The following FKBP5 variants were observed in gnomAD, a reference collection of about 807,000 sequenced individuals.
The protein encoded by FKBP5 is peptidyl-prolyl cis-trans isomerase FKBP5.
FKBP5 carries 23 observed loss-of-function variants against 50.5 expected under a neutral mutation model. The observed-to-expected ratio is 0.46, with a 90% CI of 0.33 to 0.65. The LOEUF (loss-of-function observed/expected upper bound fraction) is 0.65, where lower values mean the gene tolerates loss of function less well. Ranked by LOEUF, FKBP5 falls within the 30% of genes least tolerant of loss-of-function variation. The pLI, the probability that FKBP5 is intolerant of heterozygous loss-of-function variation, is 0.02. For missense variants in FKBP5, 411 were observed against 553.1 expected (o/e 0.74, Z 2.58); for synonymous variants, 176 against 190.6 (o/e 0.92, Z 0.63).
intron 3 of FKBP5, among the ~76,000 whole-genome samples, chr6:35,628,033 A>T (rs1053482572): frequency 6.7e-6 from 1 of 149,624 alleles, no homozygotes; most frequent in Non-Finnish European, 1.5e-5. Context: ...TCGGCCTCCC[A>T]AAGTGCTGGC....
upstream of FKBP5, among the ~76,000 whole-genome samples, chr6:35,693,076 TAAAAAA>T: frequency 2.5e-5 from 2 of 80,780 alleles, 1 homozygote; most frequent in African/African-American, 1.0e-4. Flanking sequence ...TCTTTTCAGC[TAAAAAA>T]AAAAAAAAAA....
intron 1 of FKBP5, among the ~76,000 whole-genome samples, chr6:35,724,645 A>G (rs1211664557): frequency 6.6e-6 from 1 of 151,348 alleles, no homozygotes; most frequent in Non-Finnish European, 1.5e-5. Context: ...TGGGACGTTT[A>G]CTCAGGAGGC....
rs1055862426 is a variant in FKBP5 at position 35,707,383 on chromosome 6, A to AT, written c.-20+12944dup. Among the ~76,000 whole-genome samples, 372 of 143,388 alleles carry AT rather than the reference A, an allele frequency of 2.6e-3. 4 individuals carry two copies. The highest frequency in any genetic ancestry group is 4.6e-3 in the African/African-American group (179 of 39,276). 94.1% of individuals were successfully genotyped at this position (143,388 alleles called of 152,430 possible). ...AGGCATGCACCACCACGGCCGGCTA[A>AT]TTTTTTTTTTTTGTATTTTTAGTAG... On this transcript the variant is annotated intron_variant, in intron 2 of 11. Transcript: ENST00000536438.
At chr6:35,618,187 A>C (rs975080942) in intron 5 of FKBP5, among the ~76,000 whole-genome samples, 6 of 152,172 alleles carry the variant, frequency 3.9e-5, no homozygotes, top group Non-Finnish European at 8.8e-5. Flanking sequence ...GTGAGAAATA[A>C]ATGAACAAAC....
At chr6:35,627,829 T>C (rs1764044847) in intron 3 of FKBP5, among the ~76,000 whole-genome samples, 2 of 152,026 alleles carry the variant, frequency 1.3e-5, no homozygotes, top group Admixed American at 6.5e-5. Context: ...TGGTGTGATC[T>C]TGGCTCACTG....
At chr6:35,655,360 T>A (rs1764918995) in intron 1 of FKBP5, among the ~76,000 whole-genome samples, 1 of 152,110 alleles carries the variant, frequency 6.6e-6, no homozygotes, top group African/African-American at 2.4e-5. Context: ...GTGAAGACAG[T>A]AGGAATGAGC....
chr6:35,706,464 AAG>A (rs1766317977), intron 2 of FKBP5, among the ~76,000 whole-genome samples: 1 of 151,938 alleles, frequency 6.6e-6, no homozygotes, highest in South Asian at 2.1e-4. Context: ...AAAAAGAAAA[AAG>A]AAATACATAA....
At chr6:35,578,692 C>A (rs541807500) in intron 9 of FKBP5, among the ~76,000 whole-genome samples, 2 of 149,154 alleles carry the variant, frequency 1.3e-5, no homozygotes, top group African/African-American at 4.9e-5. Context: ...CGCTTGAACT[C>A]GGGAGGTGGA....
intron 1 of FKBP5, among the ~76,000 whole-genome samples, chr6:35,657,746 T>G (rs1764994088): frequency 6.6e-6 from 1 of 152,184 alleles, no homozygotes; most frequent in African/African-American, 2.4e-5. Flanking sequence ...AAGCTTGGAA[T>G]TCCATTGACT....
intron 3 of FKBP5, among the ~76,000 whole-genome samples, chr6:35,633,351 T>C (rs961742749): frequency 6.6e-6 from 1 of 152,038 alleles, no homozygotes; most frequent in African/African-American, 2.4e-5. Flanking sequence ...GAGACCACCC[T>C]GGGCAACATG....
At chr6:35,672,120 G>A (rs1482669626) in intron 1 of FKBP5, among the ~76,000 whole-genome samples, 1 of 152,000 alleles carries the variant, frequency 6.6e-6, no homozygotes, top group Non-Finnish European at 1.5e-5. Context: ...CGCCCACCTC[G>A]GCCTCCCAAA....
intron 2 of FKBP5, among the ~76,000 whole-genome samples, chr6:35,711,559 A>T (rs770673401): frequency 1.3e-4 from 20 of 152,070 alleles, no homozygotes; most frequent in Non-Finnish European, 2.5e-4. Flanking sequence ...TGAAGGCTAC[A>T]GTGAGCTGAG....
intron 2 of FKBP5, 88 bp from the exon 3 acceptor site, chr6:35,637,246 A>G (rs1764339344): frequency 8.8e-7 from 1 of 1,130,162 alleles, no homozygotes; most frequent in Admixed American, 2.3e-5. Context: ...ATCCCAAGAC[A>G]TCCAGGCAGA....
chr6:35,680,864 A>T (rs1765645376), intron 1 of FKBP5, among the ~76,000 whole-genome samples: 1 of 152,248 alleles, frequency 6.6e-6, no homozygotes, highest in Non-Finnish European at 1.5e-5. Flanking sequence ...TCCAATTCCC[A>T]GAAAGCTATT....
At chr6:35,676,460 C>A (rs1212166938) in intron 1 of FKBP5, among the ~76,000 whole-genome samples, 1 of 152,124 alleles carries the variant, frequency 6.6e-6, no homozygotes, top group Non-Finnish European at 1.5e-5. Context: ...AATAAAGGCT[C>A]GGAATGGTTA....
chr6:35,586,906 T>A (rs938275147), intron 8 of FKBP5, 128 bp downstream of exon 8: 1 of 1,530,124 alleles, frequency 6.5e-7, no homozygotes, highest in Non-Finnish European at 8.8e-7. Context: ...AATGACAGAT[T>A]TATAAAAATT....
chr6:35,589,128 A>ATATTTTTTTATATATATATATATATATAT (rs1427010607), intron 7 of FKBP5, among the ~76,000 whole-genome samples: 5 of 121,562 alleles, frequency 4.1e-5, no homozygotes, highest in Admixed American at 3.5e-4. Flanking sequence ...ATATATATAT[A>ATATTTTTTTATATATATATATATATATAT]TTTTTTTTTT....
intron 8 of FKBP5, chr6:35,582,525 C>G (rs139247406): frequency 1.7e-4 from 79 of 470,026 alleles, no homozygotes; most frequent in Middle Eastern, 1.1e-3. Context: ...GAGAACACAG[C>G]AAGAAGGGAG....
intron 2 of FKBP5, among the ~76,000 whole-genome samples, chr6:35,710,593 T>A (rs1206556585): frequency 6.6e-6 from 1 of 152,224 alleles, no homozygotes; most frequent in Non-Finnish European, 1.5e-5. Context: ...GTTTAGCAGT[T>A]TTCTTTTGAA....
Sources: gnomAD v4.1 joint callset for allele counts (sites outside exome capture counted in the v4.1 genomes callset) on GRCh38, gnomAD v4.1.1 for gene constraint, MANE v1.5 for transcripts, NCBI Gene and HGNC (gene_info 2026-07-23, HGNC 2026-07-21) for gene names.